Variants in PCSK6 observed in about 807,000 individuals in gnomAD.
PCSK6 encodes proprotein convertase subtilisin/kexin type 6.
PCSK6 carries 85 observed loss-of-function variants against 123.3 expected under a neutral mutation model. The observed-to-expected ratio is 0.69, with a 90% CI of 0.58 to 0.83. The LOEUF is 0.83. Among genes scored for constraint, PCSK6 ranks in the 40% least tolerant of loss-of-function variants. The probability of loss-of-function intolerance (pLI) is 0.00; values close to 1 mark genes in which losing one functional copy is unlikely to be tolerated. For missense variants in PCSK6, 1,191 were observed against 1,282.3 expected (o/e 0.93, Z 1.09); for synonymous variants, 508 against 516.0 (o/e 0.98, Z 0.21).
intron 2 of PCSK6, among the ~76,000 whole-genome samples, chr15:101,435,921 T>C (rs2056586275): frequency 6.6e-6 from 1 of 152,242 alleles, no homozygotes; most frequent in Non-Finnish European, 1.5e-5. Flanking sequence ...CCAAGCATCC[T>C]TTCAGCGAGC....
At position 101,384,063 on chromosome 15, in the gene PCSK6, T is replaced by C. The variant is rs1279418820; in HGVS notation, c.1414+259A>G. On this transcript the variant is annotated intron_variant, in intron 10 of 21. Transcript: ENST00000611716. ...AGAGAACTATGAGTAAATATTGGTATAGGTGGTGTCTCGGTGTGGCCAAAG... is the reference window on the plus strand; with the variant it reads ...AGAGAACTATGAGTAAATATTGGTACAGGTGGTGTCTCGGTGTGGCCAAAG... 6 of 946,400 alleles carry C rather than the reference T, an allele frequency of 6.3e-6. No individual in the cohort carries two copies. The South Asian group carries it at 2.0e-4, about 31-fold the overall frequency. The allele number at this position is 946,400 out of a possible 1,614,324, so 58.6% of individuals were successfully genotyped here.
rs147392408 is a variant in PCSK6 at position 101,396,825 on chromosome 15, C to T, written c.996+1579G>A. Reference sequence around the variant, plus strand: ...TGCCCGCAAGACCCCATGCTGTGTGCGTGCGTGTGTGTGTCTACACCGCCC... The same window carrying T: ...TGCCCGCAAGACCCCATGCTGTGTGTGTGCGTGTGTGTGTCTACACCGCCC... On this transcript the variant is annotated intron_variant, in intron 7 of 21. Transcript: ENST00000611716. Among the ~76,000 whole-genome samples, 120 of 152,156 alleles carry T rather than the reference C, an allele frequency of 7.9e-4. 2 individuals carry two copies. The highest frequency in any genetic ancestry group is 2.7e-3 in the African/African-American group (113 of 41,514).
chr15:101,355,953 A>G (rs1332303875), intron 13 of PCSK6, among the ~76,000 whole-genome samples: 2 of 152,298 alleles, frequency 1.3e-5, no homozygotes, highest in Admixed American at 6.5e-5. Flanking sequence ...GCACAGCCCT[A>G]TCTTACAGGA....
Position 101,443,674 on chromosome 15 carries a change from A to G in PCSK6, c.298-14T>C. 1.3e-6 allele frequency: 2 copies of G among 1,575,556 alleles called. No homozygotes were observed. Among genetic ancestry groups the G allele is most frequent in the South Asian group, 2.2e-5 (2 of 90,282 alleles). On this transcript the variant is annotated splice_polypyrimidine_tract_variant and intron_variant, in intron 1 of 21. Transcript: ENST00000611716. ...CAGGTTTCCAATCTGCAAGACAAGAAGCAGAATGCCATCAATTAATAGTCT... is the reference window on the plus strand; with the variant it reads ...CAGGTTTCCAATCTGCAAGACAAGAGGCAGAATGCCATCAATTAATAGTCT...
chr15:101,476,100 C>A (rs1037318635), intron 1 of PCSK6, among the ~76,000 whole-genome samples: 2 of 152,206 alleles, frequency 1.3e-5, no homozygotes, highest in African/African-American at 2.4e-5. Flanking sequence ...GAAAAAGTTA[C>A]TTAACCTCTC....
At chr15:101,397,021 T>A (rs2042432985) in intron 7 of PCSK6, among the ~76,000 whole-genome samples, 1 of 151,700 alleles carries the variant, frequency 6.6e-6, no homozygotes, top group South Asian at 2.1e-4. Flanking sequence ...ACTTGCAGAG[T>A]GACACCAAGT....
At chr15:101,474,980 T>A (rs1223748001) in intron 1 of PCSK6, among the ~76,000 whole-genome samples, 2 of 152,144 alleles carry the variant, frequency 1.3e-5, no homozygotes, top group Admixed American at 6.5e-5. Context: ...GCACTCACGA[T>A]CCATCTGCCC....
At chr15:101,443,530 T>C (rs2056809484) in intron 2 of PCSK6, 26 bp downstream of exon 2, 2 of 1,530,450 alleles carry the variant, frequency 1.3e-6, no homozygotes, top group Admixed American at 1.7e-5. Flanking sequence ...CTCCAGCCCT[T>C]AGGAAAGCAT....
intron 1 of PCSK6, among the ~76,000 whole-genome samples, chr15:101,454,313 A>G (rs921750259): frequency 6.6e-6 from 1 of 152,208 alleles, no homozygotes; most frequent in African/African-American, 2.4e-5. Flanking sequence ...CTGAACAAAT[A>G]TCTGCATACC....
At chr15:101,354,389 G>A (rs920311194) in intron 13 of PCSK6, among the ~76,000 whole-genome samples, 4 of 152,210 alleles carry the variant, frequency 2.6e-5, no homozygotes, top group Non-Finnish European at 4.4e-5. Context: ...CCATACACAC[G>A]TCCAGTAACT....
rs563606428 is a variant in PCSK6, at chr15:101,315,679, C to T, written c.2570-2174G>A. ...CCGTCTCAGGCACAGGACGCTCATG[C>T]TTGAGGGCTGACCGTCACAGGTGCT... On this transcript the variant is annotated intron_variant, in intron 19 of 21. Coordinates refer to ENST00000611716, the MANE Select transcript of PCSK6 (RefSeq NM_002570.5). 2.6e-5 allele frequency among the ~76,000 whole-genome samples: 4 copies of T among 152,406 alleles called. No homozygotes were observed. The South Asian group carries it at 8.3e-4, about 32-fold the overall frequency.
chr15:101,418,701 C>G (rs894383888), intron 6 of PCSK6, among the ~76,000 whole-genome samples: 1 of 152,024 alleles, frequency 6.6e-6, no homozygotes. Context: ...TTAGTACAAA[C>G]AGGGTTTCAA....
rs2042502306 is a variant in PCSK6, at chr15:101,398,884, T to TATC, written c.824-309_824-308insGAT. On this transcript the variant is annotated intron_variant, in intron 6 of 21. Transcript: ENST00000611716. The surrounding 1 kb of genome is among the most constrained non-coding windows in gnomAD (Gnocchi z 4.6). ...GTTTTTTATTTTAAAAAACAAGACC[T>TATC]ATTATTATTATTATTATTATTTATT... Among the ~76,000 whole-genome samples, 1 of 147,196 alleles carries TATC rather than the reference T, an allele frequency of 6.8e-6. No individual in the cohort carries two copies. The highest frequency in any genetic ancestry group is 1.5e-5 in the Non-Finnish European group (1 of 67,678).
Position 101,382,093 on chromosome 15 carries a change from TG to T in PCSK6, c.1530del (p.Arg511GlyfsTer5). ...ACCGATGCCACAGCAGAGCCTTACC[TG>T]GGTCTCTTGTCCGAGGCGGCCACAC... is the stretch of plus-strand genomic sequence containing the variant. ...HMCVAASDKR[P>X]RSIPLVQVLR... is the part of the protein sequence containing the mutation. On this transcript the variant is annotated frameshift_variant and splice_region_variant, in exon 11 of 22. Coordinates refer to ENST00000611716, the MANE Select transcript of PCSK6 (RefSeq NM_002570.5). LOFTEE classifies it high-confidence loss of function. The T allele has an allele frequency of 6.3e-7, 1 of 1,599,760 alleles. No homozygotes were observed. Among genetic ancestry groups the T allele is most frequent in the Non-Finnish European group, 8.5e-7 (1 of 1,172,112 alleles).
intron 8 of PCSK6, 66 bp downstream of exon 8, chr15:101,393,146 A>G: frequency 1.6e-6 from 2 of 1,239,338 alleles, no homozygotes; most frequent in Non-Finnish European, 2.3e-6. Context: ...AGAAAGGGAG[A>G]AGAAACTCAT....
intron 1 of PCSK6, among the ~76,000 whole-genome samples, chr15:101,483,854 A>C (rs925068331): frequency 2.6e-5 from 4 of 152,266 alleles, no homozygotes; most frequent in African/African-American, 9.6e-5. Flanking sequence ...GGATCGGCCC[A>C]GTCTGGACAT....
intron 1 of PCSK6, among the ~76,000 whole-genome samples, chr15:101,457,719 G>A (rs1177843128): frequency 6.6e-6 from 1 of 152,178 alleles, no homozygotes; most frequent in Admixed American, 6.5e-5. Context: ...GAGGGGAGCC[G>A]AGGAGCTGTG....
In PCSK6 at chr15:101,382,111, C is replaced by T. The variant is rs776784517; in HGVS notation, c.1513G>A (p.Ala505Thr). 1.7e-5 allele frequency: 27 copies of T among 1,608,322 alleles called. No homozygotes were observed. Among genetic ancestry groups the T allele is most frequent in the African/African-American group, 2.7e-5 (2 of 74,836 alleles). The change falls in exon 11 of 22, where the codon GCC becomes ACC. Residue 505 changes from alanine to threonine, a missense_variant. This residue lies in a region of PCSK6 where 630 missense variants were observed against 631.4 expected (regional missense o/e 1.00). Coordinates refer to ENST00000611716, the MANE Select transcript of PCSK6 (RefSeq NM_002570.5). ...AVPSQHMCVAASDKRPRSIPL... is the reference protein window; with the variant it reads ...AVPSQHMCVATSDKRPRSIPL... ...CCTTACCTGGGTCTCTTGTCCGAGG[C>T]GGCCACACACATGTGCTGCGATGGC...
intron 11 of PCSK6, among the ~76,000 whole-genome samples, chr15:101,374,098 A>G (rs1017615608): frequency 1.3e-5 from 2 of 152,280 alleles, no homozygotes; most frequent in African/African-American, 4.8e-5. Context: ...AAGATCTCTA[A>G]TGACAGCAAA....
Sources: gnomAD v4.1 joint callset for allele counts (sites outside exome capture counted in the v4.1 genomes callset) on GRCh38, gnomAD v4.1.1 for gene constraint, gnomAD v4.1.1 regional missense constraint, Gnocchi (gnomAD v3.1) non-coding constraint, MANE v1.5 for transcripts, NCBI Gene and HGNC (gene_info 2026-07-23, HGNC 2026-07-21) for gene names.